Variants in MYO9A observed in about 807,000 individuals in gnomAD.
MYO9A encodes unconventional myosin-IXa.
MYO9A carries 103 observed loss-of-function variants against 293.3 expected under a neutral mutation model. That is an observed-to-expected ratio of 0.35 (90% CI 0.30 to 0.41). The LOEUF is 0.41. Among genes scored for constraint, MYO9A ranks in the 10% least tolerant of loss-of-function variants. MYO9A has a pLI of 1.00. For missense variants in MYO9A, 2,685 were observed against 3,033.0 expected, an observed-to-expected ratio of 0.89 and a Z score of 2.69; for synonymous variants, 1,001 against 1,035.7, an observed-to-expected ratio of 0.97 and a Z score of 0.64.
At chr15:71,855,119 T>A (rs552919110) in intron 34 of MYO9A, among the ~76,000 whole-genome samples, 1 of 152,264 alleles carries the variant, frequency 6.6e-6, no homozygotes, top group East Asian at 1.9e-4. Flanking sequence ...GATATCACAC[T>A]TTATTTATTC....
At chr15:71,872,937 G>C (rs1223360047) in intron 32 of MYO9A, among the ~76,000 whole-genome samples, 3 of 150,606 alleles carry the variant, frequency 2.0e-5, no homozygotes, top group African/African-American at 7.3e-5. Flanking sequence ...TTTTGAGACA[G>C]AGTCTCGCTC....
intron 37 of MYO9A, 112 bp downstream of exon 37, chr15:71,851,141 A>C (rs2055630737): frequency 2.4e-6 from 2 of 820,836 alleles, no homozygotes; most frequent in South Asian, 3.8e-5. Context: ...TGACTTTATA[A>C]ATAGAAGAAA....
chr15:71,966,506 A>G (rs1596297889), intron 13 of MYO9A, among the ~76,000 whole-genome samples: 1 of 152,082 alleles, frequency 6.6e-6, no homozygotes, highest in African/African-American at 2.4e-5. Context: ...TATAGTCTTA[A>G]TTTCTATTCT....
intron 18 of MYO9A, among the ~76,000 whole-genome samples, chr15:71,925,094 C>G (rs1196432316): frequency 6.6e-6 from 1 of 151,410 alleles, no homozygotes; most frequent in Non-Finnish European, 1.5e-5. Flanking sequence ...GTTGATGTCC[C>G]CTATAATTAC....
At chr15:72,033,193 T>C (rs2077931816) in intron 2 of MYO9A, among the ~76,000 whole-genome samples, 1 of 152,206 alleles carries the variant, frequency 6.6e-6, no homozygotes, top group Non-Finnish European at 1.5e-5. Flanking sequence ...CTTTAAAGTT[T>C]GGATTTCTCT....
At chr15:71,941,089 C>T (rs1460743413) in intron 15 of MYO9A, among the ~76,000 whole-genome samples, 1 of 152,090 alleles carries the variant, frequency 6.6e-6, no homozygotes, top group Non-Finnish European at 1.5e-5. Flanking sequence ...TGATGGATCA[C>T]TCAGATTAAA....
chr15:72,004,571 A>C (rs539166119), intron 8 of MYO9A, among the ~76,000 whole-genome samples: 6 of 152,160 alleles, frequency 3.9e-5, no homozygotes, highest in Non-Finnish European at 4.4e-5. Context: ...AAAACAACAA[A>C]AAAAAACCCT....
Position 71,899,834 on chromosome 15 carries a change from C to A in MYO9A, c.3323G>T (p.Trp1108Leu). 1 of 1,614,116 alleles carries A rather than the reference C, an allele frequency of 6.2e-7. No homozygotes were observed. Among genetic ancestry groups the A allele is most frequent in the Non-Finnish European group, 8.5e-7 (1 of 1,180,030 alleles). The part of the protein sequence containing the change: ...RAAAIVIQQK[W>L]RDYYRRRHMA... ...GTGCCTGCGCCTATAGTAATCTCTC[C>A]ATTTCTGCTGGATAACGATGGCTGC... is the stretch of plus-strand genomic sequence containing the variant. The change falls in exon 24 of 42, where the codon TGG becomes TTG. Residue 1108 changes from tryptophan (W) to leucine (L), a missense_variant. Trp to Leu is a moderately conservative substitution (Grantham distance 61). Around this residue, in one of 10 missense-constraint regions of MYO9A, gnomAD observed 1,434 missense variants for 1,497.7 expected, o/e 0.96. Transcript: ENST00000356056.
At chr15:72,092,910 T>TACACACACAC (rs59999448) in intron 1 of MYO9A, among the ~76,000 whole-genome samples, 122 of 141,996 alleles carry the variant, frequency 8.6e-4, no homozygotes, top group African/African-American at 2.9e-3. Flanking sequence ...CCACCTTACT[T>TACACACACAC]ACACACACAC....
chr15:72,036,377 A>AT (rs1408875526), intron 2 of MYO9A: 8 of 152,198 alleles, frequency 5.3e-5, no homozygotes, highest in African/African-American at 1.9e-4. Context: ...TCAAACTCAA[A>AT]TTTTTAAGAA....
At chr15:71,849,553 G>T (rs938298114) in intron 38 of MYO9A, among the ~76,000 whole-genome samples, 1 of 151,966 alleles carries the variant, frequency 6.6e-6, no homozygotes, top group Non-Finnish European at 1.5e-5. Context: ...AGACTCTCTG[G>T]GGATGGGATC....
rs558384179 is a variant in MYO9A, at chr15:71,990,489, C to T, written c.1722+614G>A. On this transcript the variant is annotated intron_variant, in intron 11 of 41. Transcript: ENST00000356056. Reference sequence around the variant, plus strand: ...ACAAGATTTAGGCTGGGCGCAGTGGCTCACATCTATAATCCCAGCACTTTG... The same window carrying T: ...ACAAGATTTAGGCTGGGCGCAGTGGTTCACATCTATAATCCCAGCACTTTG... Among the ~76,000 whole-genome samples, 5 of 152,270 alleles carry T rather than the reference C, an allele frequency of 3.3e-5. No homozygotes were observed. The East Asian group carries it at 7.8e-4, about 24-fold the overall frequency.
chr15:71,878,511 T>G (rs1022829999), intron 30 of MYO9A, among the ~76,000 whole-genome samples: 1 of 152,170 alleles, frequency 6.6e-6, no homozygotes, highest in African/African-American at 2.4e-5. Context: ...TTTAATTTTA[T>G]GTAGCTATAA....
rs748723358 is a variant in MYO9A, at chr15:71,898,901, T to C, written c.3602A>G (p.Asn1201Ser). The C allele has an allele frequency of 5.0e-6, 8 of 1,614,122 alleles. No homozygotes were observed. In the African/African-American group the frequency reaches 6.7e-5, roughly 13 times the overall value. ...PSGWEDCSFD[N>S]RIKAIEECKS... ...ACATTCCTCTATGGCTTTTATTCTG[T>C]TGTCAAAAGAACAATCCTCCCATCC... The change falls in exon 25 of 42, where the codon AAC becomes AGC. Residue 1201 changes from asparagine to serine, a missense_variant. Transcript: ENST00000356056.
chr15:71,993,162 C>A (rs2076589493), intron 10 of MYO9A, among the ~76,000 whole-genome samples: 1 of 151,962 alleles, frequency 6.6e-6, no homozygotes, highest in Admixed American at 6.6e-5. Flanking sequence ...ACCAGCCTGG[C>A]CAACATGGTG....
intron 27 of MYO9A, among the ~76,000 whole-genome samples, chr15:71,885,589 T>C (rs977674481): frequency 6.6e-6 from 1 of 152,150 alleles, no homozygotes; most frequent in African/African-American, 2.4e-5. Context: ...GCAGTTGTCA[T>C]TTGAAAAGCT....
chr15:72,086,205 T>C lies in MYO9A; in HGVS notation c.-72+31475A>G, dbSNP rs533306597. ...AGAGTGTCAGCCTCAGTGTGGGCGT[T>C]TGTAGCAGTGGTACAGGCAGCATGG... On this transcript the variant is annotated intron_variant, in intron 1 of 41. Coordinates refer to ENST00000356056, the MANE Select transcript of MYO9A (RefSeq NM_006901.4). 6.6e-5 allele frequency among the ~76,000 whole-genome samples: 10 copies of C among 152,306 alleles called. No homozygotes were observed. In the South Asian group the frequency reaches 8.3e-4, roughly 13 times the overall value.
Position 72,082,093 on chromosome 15 carries a change from T to C in MYO9A, c.-71-35459A>G, listed in dbSNP as rs1419874269. ...AATGTCATTGGTAGTTTGATAGGAA[T>C]AGCACTGAATCGATAAACTGCTTTG... On this transcript the variant is annotated intron_variant, in intron 1 of 41. Transcript: ENST00000356056. 4.6e-5 allele frequency among the ~76,000 whole-genome samples: 7 copies of C among 152,202 alleles called. No individual in the cohort carries two copies. In the East Asian group the frequency reaches 1.2e-3, roughly 25 times the overall value.
At chr15:72,102,499 TAAA>T (rs55804686) in intron 1 of MYO9A, among the ~76,000 whole-genome samples, 2 of 114,456 alleles carry the variant, frequency 1.7e-5, no homozygotes, top group African/African-American at 6.9e-5. Flanking sequence ...TAAATAAATT[TAAA>T]AAAAAAAAAA....
Sources: allele counts gnomAD v4.1 joint callset (sites outside exome capture counted in the v4.1 genomes callset), GRCh38; gene constraint gnomAD v4.1.1; regional missense constraint gnomAD v4.1.1; transcripts MANE v1.5; gene names NCBI Gene and HGNC (gene_info 2026-07-23, HGNC 2026-07-21).